SLC27A2: variants seen among roughly 807,000 people sequenced by gnomAD.
The protein encoded by SLC27A2 is solute carrier family 27 member 2, also known as long-chain fatty acid transport protein 2.
Under a neutral mutation model 60.0 loss-of-function variants are expected in SLC27A2, and 54 were observed. The observed-to-expected ratio is 0.90, with a 90% CI of 0.72 to 1.13. The LOEUF (loss-of-function observed/expected upper bound fraction) is 1.13. Among genes scored for constraint, SLC27A2 ranks in the 50% most tolerant of loss-of-function variants. The probability of loss-of-function intolerance (pLI) is 0.00; values close to 1 mark genes in which losing one functional copy is unlikely to be tolerated. For synonymous variants in SLC27A2, 297 were observed against 297.6 expected (o/e 1.00, Z 0.02); for missense variants, 739 against 777.6 (o/e 0.95, Z 0.59).
At chr15:50,223,969 C>A (rs997242506) in intron 5 of SLC27A2, among the ~76,000 whole-genome samples, 2 of 152,160 alleles carry the variant, frequency 1.3e-5, no homozygotes, top group African/African-American at 2.4e-5. Context: ...AGTTCATGTG[C>A]GTAAGAGCCC....
At chr15:50,204,664 C>T (rs758591548) in intron 3 of SLC27A2, among the ~76,000 whole-genome samples, 2 of 151,226 alleles carry the variant, frequency 1.3e-5, no homozygotes, top group Non-Finnish European at 2.9e-5. Flanking sequence ...ACCTGGGGGG[C>T]GGGTGTTGCA....
chr15:50,197,741 T>A, intron 2 of SLC27A2, 32 bp downstream of exon 2: 2 of 1,528,826 alleles, frequency 1.3e-6, no homozygotes, highest in African/African-American at 1.4e-5. Context: ...TCCAAAAAAA[T>A]TAATCTGAAG....
chr15:50,217,728 G>A (rs944151564), intron 4 of SLC27A2, among the ~76,000 whole-genome samples: 2 of 152,056 alleles, frequency 1.3e-5, no homozygotes, highest in African/African-American at 4.8e-5. Flanking sequence ...CCTCCTACAG[G>A]AAGGATCATC....
At chr15:50,196,388 T>C (rs531589336) in intron 1 of SLC27A2, among the ~76,000 whole-genome samples, 2 of 151,848 alleles carry the variant, frequency 1.3e-5, no homozygotes, top group South Asian at 4.2e-4. Flanking sequence ...CCTAAAACAG[T>C]GTTATAGGAA....
At position 50,210,955 on chromosome 15, in the gene SLC27A2, C is replaced by G. The variant is rs548354068; in HGVS notation, c.972+5592C>G. On this transcript the variant is annotated intron_variant, in intron 4 of 9. Coordinates refer to ENST00000267842, the MANE Select transcript of SLC27A2 (RefSeq NM_003645.4). The stretch of plus-strand genomic sequence containing the variant: ...CTCCAGTGACCTGGGAATCTCGCCC[C>G]CATCCCCCACAGCAGCCACAGCAAG... Among the ~76,000 whole-genome samples, 36 of 152,288 alleles carry G rather than the reference C, an allele frequency of 2.4e-4. No individual in the cohort carries two copies. In the South Asian group the frequency reaches 7.0e-3, roughly 30 times the overall value.
At chr15:50,210,783 G>A (rs2045148495) in intron 4 of SLC27A2, among the ~76,000 whole-genome samples, 1 of 152,184 alleles carries the variant, frequency 6.6e-6, no homozygotes, top group Non-Finnish European at 1.5e-5. Context: ...AACAGACTCG[G>A]GGCCGTTGAG....
chr15:50,212,757 C>T (rs760236440), intron 4 of SLC27A2, among the ~76,000 whole-genome samples: 5 of 151,908 alleles, frequency 3.3e-5, no homozygotes, highest in Non-Finnish European at 5.9e-5. Flanking sequence ...TTCGCCATTA[C>T]CACGTTACCA....
At chr15:50,216,858 A>C (rs1337225611) in intron 4 of SLC27A2, among the ~76,000 whole-genome samples, 1 of 146,712 alleles carries the variant, frequency 6.8e-6, no homozygotes, top group Non-Finnish European at 1.5e-5. Context: ...ACATATATCC[A>C]TAAATATATA....
At chr15:50,193,132 A>G (rs932225626) in intron 1 of SLC27A2, among the ~76,000 whole-genome samples, 1 of 152,124 alleles carries the variant, frequency 6.6e-6, no homozygotes, top group Non-Finnish European at 1.5e-5. Flanking sequence ...AAGCCGTTCC[A>G]CTGCCCAGAC....
chr15:50,217,636 C>T lies in SLC27A2; in HGVS notation c.973-5329C>T, dbSNP rs114699605. The stretch of plus-strand genomic sequence containing the variant: ...AGCAGTAGCCCCCTCACCCTGCCCC[C>T]ACAGAACTGCCTAATCATCTTTCTG... On this transcript the variant is annotated intron_variant, in intron 4 of 9. Transcript: ENST00000267842. Among the ~76,000 whole-genome samples the T allele has an allele frequency of 5.9e-3, 904 of 152,262 alleles. 9 individuals are homozygous for T. The highest frequency in any genetic ancestry group is 0.021 in the African/African-American group (872 of 41,536).
At chr15:50,212,760 C>A (rs765670947) in intron 4 of SLC27A2, among the ~76,000 whole-genome samples, 2 of 152,138 alleles carry the variant, frequency 1.3e-5, no homozygotes, top group Admixed American at 1.3e-4. Flanking sequence ...GCCATTACCA[C>A]GTTACCACTA....
chr15:50,216,620 A>ATG (rs2045198537), intron 4 of SLC27A2, among the ~76,000 whole-genome samples: 1 of 37,218 alleles, frequency 2.7e-5, no homozygotes, highest in Admixed American at 2.9e-4. Context: ...GTATATATAT[A>ATG]TATATATATA....
In SLC27A2 at chr15:50,184,733, A is replaced by G. The variant is rs1010614637; in HGVS notation, c.478+1828A>G. On this transcript the variant is annotated intron_variant, in intron 1 of 9. Transcript: ENST00000267842. ...GTGCCTGTAATCCCAACTACCTGGG[A>G]GGCTGAGGCAGGAGAATCACCTGAA... Among the ~76,000 whole-genome samples, 13 of 151,982 alleles carry G rather than the reference A, an allele frequency of 8.6e-5. No individual in the cohort carries two copies. In the East Asian group the frequency reaches 2.5e-3, roughly 29 times the overall value.
At chr15:50,201,486 A>G (rs2045062849) in intron 2 of SLC27A2, among the ~76,000 whole-genome samples, 2 of 152,236 alleles carry the variant, frequency 1.3e-5, no homozygotes, top group Non-Finnish European at 1.5e-5. Flanking sequence ...ATCTTTATGT[A>G]CAAACATGAA....
At position 50,203,020 on chromosome 15, in the gene SLC27A2, A is replaced by AATAT. The variant is rs1555500674; in HGVS notation, c.847+393_847+396dup. Among the ~76,000 whole-genome samples the AATAT allele has an allele frequency of 2.1e-3, 311 of 147,790 alleles. 5 individuals carry two copies. The East Asian group carries it at 0.043, about 20-fold the overall frequency. On this transcript the variant is annotated intron_variant, in intron 3 of 9. Transcript: ENST00000267842. ...CATAGCAAACCTCATCTCTAAAAAAAATATATATATATATATATATAGCCA... is the reference window on the plus strand; with the variant it reads ...CATAGCAAACCTCATCTCTAAAAAAAATATATATATATATATATATATATAGCCA...
At chr15:50,184,744 G>A (rs778956824) in intron 1 of SLC27A2, among the ~76,000 whole-genome samples, 14 of 152,122 alleles carry the variant, frequency 9.2e-5, no homozygotes, top group Non-Finnish European at 1.8e-4. Context: ...GGCTGAGGCA[G>A]GAGAATCACC....
In SLC27A2 at chr15:50,182,886, G is replaced by C; in HGVS notation, c.459G>C (p.Lys153Asn). 3 of 1,608,800 alleles carry C rather than the reference G, an allele frequency of 1.9e-6. No homozygotes were observed. The highest frequency in any genetic ancestry group is 2.5e-6 in the Non-Finnish European group (3 of 1,177,878). Residue 153 changes from lysine to asparagine, a missense_variant, in exon 1 of 10, where the codon AAG (lysine) becomes AAC (asparagine). Lys to Asn is a moderately conservative substitution (Grantham distance 94, BLOSUM62 0). Coordinates refer to ENST00000267842, the MANE Select transcript of SLC27A2 (RefSeq NM_003645.4). ...LLHCFQCCGA[K>N]VLLVSPELQA... ...ACTGCTTCCAGTGCTGCGGGGCGAA[G>C]GTGCTGCTGGTGTCGCCAGGTGAGC...
intron 4 of SLC27A2, among the ~76,000 whole-genome samples, chr15:50,207,647 G>T (rs1470641127): frequency 6.6e-6 from 1 of 151,832 alleles, no homozygotes; most frequent in East Asian, 1.9e-4. Context: ...AAAATTAGCG[G>T]GGCTTGTTGG....
intron 4 of SLC27A2, among the ~76,000 whole-genome samples, chr15:50,212,252 A>G (rs1308423010): frequency 6.6e-6 from 1 of 152,156 alleles, no homozygotes; most frequent in African/African-American, 2.4e-5. Context: ...AAAGACAAAG[A>G]AAAAATAATA....
Sources: allele counts gnomAD v4.1 joint callset (sites outside exome capture counted in the v4.1 genomes callset), GRCh38; gene constraint gnomAD v4.1.1; transcripts MANE v1.5; gene names NCBI Gene and HGNC (gene_info 2026-07-23, HGNC 2026-07-21).